TSBP1: variants seen among roughly 807,000 people sequenced by gnomAD.
TSBP1 encodes the protein testis-expressed basic protein 1.
In TSBP1, 56 loss-of-function variants were observed where a neutral mutation model predicts 68.8. The observed-to-expected ratio is 0.81, with a 90% CI of 0.66 to 1.02. The LOEUF (loss-of-function observed/expected upper bound fraction) is 1.02. Among genes scored for constraint, TSBP1 ranks in the 50% least tolerant of loss-of-function variants. The pLI, the probability that TSBP1 is intolerant of heterozygous loss-of-function variation, is 0.00. For missense variants in TSBP1, 502 were observed against 641.2 expected (o/e 0.78, Z 2.34); for synonymous variants, 171 against 208.7 (o/e 0.82, Z 1.56).
At chr6:32,311,497 A>T (rs1216723401) in intron 19 of TSBP1, among the ~76,000 whole-genome samples, 1 of 152,180 alleles carries the variant, frequency 6.6e-6, no homozygotes, top group Non-Finnish European at 1.5e-5. Flanking sequence ...GAGGGATTGC[A>T]GCATTGCCAG....
rs1769558495 is a variant in TSBP1, at chr6:32,335,623, A to G, written c.452-166T>C. ...AATGGTGACTTTCTTGCTATGGCAA[A>G]CTAGTACATATAAGGGCCTCCTCAT... is the stretch of plus-strand genomic sequence containing the variant. On this transcript the variant is annotated intron_variant, in intron 13 of 22. Transcript: ENST00000612031. This position sits in a 1 kb window ranked among gnomAD's most constrained non-coding sequence, Gnocchi z 5.5. Among the ~76,000 whole-genome samples the G allele has an allele frequency of 6.6e-6, 1 of 152,166 alleles. No individual in the cohort carries two copies. Among genetic ancestry groups the G allele is most frequent in the African/African-American group, 2.4e-5 (1 of 41,442 alleles).
intron 6 of TSBP1, among the ~76,000 whole-genome samples, chr6:32,358,619 G>A (rs573903801): frequency 1.0e-3 from 153 of 152,048 alleles, no homozygotes; most frequent in African/African-American, 3.1e-3. Flanking sequence ...CTGTGTCCAA[G>A]TGTTCTCATT....
At chr6:32,312,273 A>C (rs1766482395) in intron 19 of TSBP1, among the ~76,000 whole-genome samples, 1 of 152,206 alleles carries the variant, frequency 6.6e-6, no homozygotes, top group Non-Finnish European at 1.5e-5. Flanking sequence ...AGGAGATTGC[A>C]TGCCCCAAAT....
chr6:32,349,516 G>T, intron 9 of TSBP1: 1 of 482,278 alleles, frequency 2.1e-6, no homozygotes, highest in Non-Finnish European at 3.6e-6. Context: ...CTTCAGGTTT[G>T]GAAATTGCTC....
At chr6:32,328,393 G>A (rs1176662019) in intron 16 of TSBP1, among the ~76,000 whole-genome samples, 10 of 150,268 alleles carry the variant, frequency 6.7e-5, no homozygotes, top group South Asian at 2.1e-4. Flanking sequence ...GATTACAGGC[G>A]TGCACCACCA....
chr6:32,330,124 A>G (rs3132958), intron 16 of TSBP1, among the ~76,000 whole-genome samples: 116,558 of 151,760 alleles, frequency 0.77, 45,036 homozygotes, highest in South Asian at 0.9. Flanking sequence ...TTGGAGAGAA[A>G]ACTGTAGAAC....
intron 9 of TSBP1, among the ~76,000 whole-genome samples, chr6:32,347,490 C>T (rs559612385): frequency 1.3e-5 from 2 of 152,242 alleles, no homozygotes; most frequent in Non-Finnish European, 2.9e-5. Context: ...CAGTCTTCTC[C>T]AGTAGAAACT....
intron 18 of TSBP1, among the ~76,000 whole-genome samples, chr6:32,318,064 A>G (rs1341732374): frequency 1.3e-5 from 2 of 152,250 alleles, no homozygotes; most frequent in Non-Finnish European, 2.9e-5. Flanking sequence ...ATGCCCGTCA[A>G]CGATAGACTG....
At position 32,357,515 on chromosome 6, in the gene TSBP1, A is replaced by C. The variant is rs3117113; in HGVS notation, c.218-1846T>G. ...AGGGATAACAATAGTAAATTACTTT[A>C]TTCATTTAAGAGGTACTTATTAAGG... On this transcript the variant is annotated intron_variant, in intron 6 of 22. Coordinates refer to ENST00000612031, the Ensembl canonical transcript of TSBP1. The surrounding 1 kb of genome is among the most constrained non-coding windows in gnomAD (Gnocchi z 4.7). Among the ~76,000 whole-genome samples, 116,792 of 152,040 alleles carry C rather than the reference A, an allele frequency of 0.77. 45,143 individuals carry two copies. The highest frequency in any genetic ancestry group is 0.9 in the South Asian group (4,312 of 4,814).
intron 16 of TSBP1, among the ~76,000 whole-genome samples, chr6:32,328,091 C>T (rs186036344): frequency 3.3e-5 from 5 of 152,104 alleles, no homozygotes; most frequent in African/African-American, 9.6e-5. Flanking sequence ...GCGTGAGCCA[C>T]CAGTGCGCCG....
Position 32,338,013 on chromosome 6 carries a change from A to T in TSBP1, c.409+966T>A, listed in dbSNP as rs1349586779. 2.0e-5 allele frequency among the ~76,000 whole-genome samples: 3 copies of T among 152,178 alleles called. No individual in the cohort carries two copies. The highest frequency in any genetic ancestry group is 4.4e-5 in the Non-Finnish European group (3 of 68,026). ...GAACATCCTCAAAAATGAAGGATAG[A>T]AATGTGTTAAGAAGTGAATGAAACC... On this transcript the variant is annotated intron_variant, in intron 11 of 22. Coordinates refer to ENST00000612031, the Ensembl canonical transcript of TSBP1. The surrounding 1 kb of genome is among the most constrained non-coding windows in gnomAD (Gnocchi z 5.5).
At chr6:32,370,090 C>A in intron 1 of TSBP1, 107 bp from the exon 2 acceptor site, 1 of 728,304 alleles carries the variant, frequency 1.4e-6, no homozygotes, top group Non-Finnish European at 2.5e-6. Flanking sequence ...TTTTTCTTTC[C>A]CCTTTCTGCT....
Position 32,343,209 on chromosome 6 carries a change from C to G in TSBP1, c.350-3571G>C, listed in dbSNP as rs9268261. 0.37 allele frequency: 496,497 copies of G among 1,333,282 alleles called. 97,644 individuals carry two copies. The highest frequency in any genetic ancestry group is 0.56 in the Middle Eastern group (2,920 of 5,226). 82.6% of individuals were successfully genotyped at this position (1,333,282 alleles called of 1,614,324 possible). ...GCCTAGCATAGGAGCCCAACAACAC[C>G]AGAGTTTGAAACAAGAAGATAAACT... is the stretch of plus-strand genomic sequence containing the variant. On this transcript the variant is annotated intron_variant, in intron 9 of 22. Coordinates refer to ENST00000612031, the Ensembl canonical transcript of TSBP1. The surrounding 1 kb of genome is among the most constrained non-coding windows in gnomAD (Gnocchi z 4.3).
At chr6:32,368,855 G>A (rs1198962760) in intron 2 of TSBP1, 41 bp from the exon 3 acceptor site, 2 of 1,572,850 alleles carry the variant, frequency 1.3e-6, no homozygotes, top group Admixed American at 1.8e-5. Context: ...TAGTTACTTA[G>A]GAGAAGTGTT....
chr6:32,371,753 T>A, exon 1 of TSBP1: 1 of 1,613,152 alleles, frequency 6.2e-7, no homozygotes, highest in Non-Finnish European at 8.5e-7. Context: ...TGGATTTCTT[T>A]GTCAGAGAGA....
chr6:32,301,557 A>G (rs1444755923), intron 20 of TSBP1, among the ~76,000 whole-genome samples: 1 of 151,752 alleles, frequency 6.6e-6, no homozygotes, highest in African/African-American at 2.4e-5. Flanking sequence ...CTCTGCAAAA[A>G]AAAAAAGAAA....
chr6:32,355,136 T>C (rs771174289), exon 8 of TSBP1: 2 of 1,612,380 alleles, frequency 1.2e-6, no homozygotes, highest in Non-Finnish European at 1.7e-6. Flanking sequence ...AGAGAGTTGG[T>C]TGATGGTGCT....
chr6:32,349,695 T>C, intron 9 of TSBP1, 45 bp downstream of exon 9: 1 of 1,176,788 alleles, frequency 8.5e-7, no homozygotes, highest in Non-Finnish European at 1.3e-6. Context: ...CTTGATTAAA[T>C]GGGGCTAAAT....
At position 32,330,576 on chromosome 6, in the gene TSBP1, A is replaced by G; in HGVS notation, c.514+13T>C. 2 of 1,609,044 alleles carry G rather than the reference A, an allele frequency of 1.2e-6. No homozygotes were observed. Among genetic ancestry groups the G allele is most frequent in the Non-Finnish European group, 1.7e-6 (2 of 1,177,088 alleles). On this transcript the variant is annotated intron_variant, in intron 16 of 22. Coordinates refer to ENST00000612031, the Ensembl canonical transcript of TSBP1. ...AAGGAACCTGGAGGGAGAAGGATAGATAAGGTACTTACCATTGGATCCAGG... is the reference window on the plus strand; with the variant it reads ...AAGGAACCTGGAGGGAGAAGGATAGGTAAGGTACTTACCATTGGATCCAGG...
Sources: allele counts gnomAD v4.1 joint callset (sites outside exome capture counted in the v4.1 genomes callset), GRCh38; gene constraint gnomAD v4.1.1; non-coding constraint Gnocchi (gnomAD v3.1); transcripts MANE v1.5; gene names NCBI Gene and HGNC (gene_info 2026-07-23, HGNC 2026-07-21).